The following KAT8 variants were observed in gnomAD, a reference collection of about 807,000 sequenced individuals.
KAT8 encodes the protein lysine acetyltransferase 8.
KAT8 carries 40 observed loss-of-function variants against 62.9 expected under a neutral mutation model. That is an observed-to-expected ratio of 0.64 (90% confidence interval 0.49 to 0.83). The LOEUF (loss-of-function observed/expected upper bound fraction) is 0.83, where lower values mean the gene tolerates loss of function less well. Among genes scored for constraint, KAT8 ranks in the 40% least tolerant of loss-of-function variants. The pLI is 0.00. For missense variants in KAT8, 387 were observed against 614.8 expected (o/e 0.63, Z 3.92); for synonymous variants, 278 against 254.5 (o/e 1.09, Z -0.88).
Position 31,130,532 on chromosome 16 carries a change from C to T in KAT8, c.1083C>T (p.Tyr361=), listed in dbSNP as rs1210769746. 1.9e-6 allele frequency: 3 copies of T among 1,614,038 alleles called. No homozygotes were observed. Among genetic ancestry groups the T allele is most frequent in the Non-Finnish European group, 2.5e-6 (3 of 1,179,980 alleles). The part of the protein sequence containing the change: ...KPLSDLGKLS[Y]RSYWSWVLLE... ...TGTCTGACCTGGGCAAGCTCAGCTACCGCAGCTACTGGTCCTGGGTGCTGC... is the reference window on the plus strand; with the variant it reads ...TGTCTGACCTGGGCAAGCTCAGCTATCGCAGCTACTGGTCCTGGGTGCTGC... Residue 361 remains tyrosine (Y), a synonymous_variant, in exon 9 of 11, where the codon TAC becomes TAT. Transcript: ENST00000219797.
At chr16:31,119,757 G>T (rs2057479352) in intron 1 of KAT8, among the ~76,000 whole-genome samples, 1 of 151,776 alleles carries the variant, frequency 6.6e-6, no homozygotes, top group Non-Finnish European at 1.5e-5. Context: ...TCCTGCCTCA[G>T]CCTTGCCTCC....
intron 6 of KAT8, among the ~76,000 whole-genome samples, chr16:31,129,473 T>TGA (rs1481788416): frequency 1.3e-5 from 2 of 152,060 alleles, no homozygotes; most frequent in Admixed American, 6.6e-5. Context: ...CCGGGTTGGA[T>TGA]GAGAGAGTGG....
chr16:31,124,605 C>T (rs1056841694), intron 3 of KAT8, among the ~76,000 whole-genome samples: 1 of 151,932 alleles, frequency 6.6e-6, no homozygotes, highest in South Asian at 2.1e-4. Context: ...TGATGGTGCA[C>T]ACCTGTAATC....
chr16:31,128,194 G>C, intron 6 of KAT8, 55 bp downstream of exon 6: 1 of 1,355,980 alleles, frequency 7.4e-7, no homozygotes, highest in Non-Finnish European at 1.0e-6. Context: ...GCACCTCCCA[G>C]ATGATCCTCA....
intron 10 of KAT8, 57 bp downstream of exon 10, chr16:31,130,957 G>C: frequency 6.3e-7 from 1 of 1,578,712 alleles, no homozygotes; most frequent in Non-Finnish European, 8.6e-7. Flanking sequence ...TATATGGACT[G>C]GTAGGAGTCA....
chr16:31,125,346 G>A (rs2057525111), intron 3 of KAT8, among the ~76,000 whole-genome samples: 2 of 152,178 alleles, frequency 1.3e-5, no homozygotes, highest in Admixed American at 1.3e-4. Flanking sequence ...GCTCACGCCT[G>A]TAATCTCAGC....
intron 3 of KAT8, among the ~76,000 whole-genome samples, chr16:31,124,528 TGGA>T (rs2057519770): frequency 6.6e-6 from 1 of 151,898 alleles, no homozygotes; most frequent in Admixed American, 6.6e-5. Flanking sequence ...GGTCAGGAGT[TGGA>T]GGCCAGCATG....
At chr16:31,131,153 T>C in intron 10 of KAT8, 42 bp from the exon 11 acceptor site, 1 of 1,610,858 alleles carries the variant, frequency 6.2e-7, no homozygotes, top group South Asian at 1.1e-5. Flanking sequence ...TGAGCTGGCC[T>C]GGCCCAGGCC....
At position 31,119,167 on chromosome 16, in the gene KAT8, T is replaced by G. The variant is rs567868514; in HGVS notation, c.212-1019T>G. On this transcript the variant is annotated intron_variant, in intron 1 of 10. Coordinates refer to ENST00000219797, the MANE Select transcript of KAT8 (RefSeq NM_032188.3). ...TGTGTATTTTTTTTTGTTTGTTTGT[T>G]TGAGATGGAATCGCTCTCTGTTGCC... 2.0e-5 allele frequency among the ~76,000 whole-genome samples: 3 copies of G among 152,324 alleles called. No individual in the cohort carries two copies. The South Asian group carries it at 6.2e-4, about 32-fold the overall frequency.
intron 3 of KAT8, chr16:31,122,519 T>C (rs927455552): frequency 2.6e-5 from 4 of 152,156 alleles, no homozygotes; most frequent in African/African-American, 4.8e-5. Context: ...AGCTGTACTA[T>C]CTAGTACCGT....
Position 31,117,755 on chromosome 16 carries a change from C to A in KAT8, c.74C>A (p.Pro25His). The A allele has an allele frequency of 7.2e-7, 1 of 1,382,648 alleles. No individual in the cohort carries two copies. The highest frequency in any genetic ancestry group is 1.6e-5 in the South Asian group (1 of 63,812). The allele number at this position is 1,382,648 out of a possible 1,614,324, so 85.6% of individuals were successfully genotyped here. A position where few individuals can be genotyped will look rare whatever the true frequency, so the allele number is the denominator to read the frequency against. ...SGVAGEGEPGPGENAAAEGTA... is the reference protein window; with the variant it reads ...SGVAGEGEPGHGENAAAEGTA... ...GTCGCGGGGGAGGGCGAGCCCGGGCCCGGGGAGAATGCGGCCGCTGAGGGG... is the reference window on the plus strand; with the variant it reads ...GTCGCGGGGGAGGGCGAGCCCGGGCACGGGGAGAATGCGGCCGCTGAGGGG... Residue 25 changes from proline (P) to histidine (H), a missense_variant, in exon 1 of 11, where the codon CCC becomes CAC. This residue lies in a region of KAT8 where 92 missense variants were observed against 78.8 expected (regional missense o/e 1.17). Transcript: ENST00000219797.
intron 6 of KAT8, among the ~76,000 whole-genome samples, chr16:31,129,571 T>C (rs529678513): frequency 3.9e-5 from 6 of 152,246 alleles, no homozygotes; most frequent in Admixed American, 3.9e-4. Flanking sequence ...TGCAGCCAAG[T>C]GGACAGACAG....
chr16:31,124,326 A>G (rs1190395869), intron 3 of KAT8, among the ~76,000 whole-genome samples: 1 of 152,234 alleles, frequency 6.6e-6, no homozygotes, highest in Non-Finnish European at 1.5e-5. Flanking sequence ...CTTATTTCAA[A>G]GGCTCATTGT....
intron 3 of KAT8, chr16:31,120,759 C>T (rs979274706): frequency 2.7e-5 from 12 of 449,714 alleles, no homozygotes; most frequent in African/African-American, 7.8e-5. Context: ...CTCAGGCCTC[C>T]GGCACTGGTA....
rs200848088 is a variant in KAT8 at position 31,117,796 on chromosome 16, G to A, written c.115G>A (p.Gly39Ser). ...AAAEGTAPSP[G>S]RVSPPTPARG... ...CGCTGAGGGGACCGCCCCATCCCCGGGCCGCGTCTCTCCGCCGACCCCGGC... is the reference window on the plus strand; with the variant it reads ...CGCTGAGGGGACCGCCCCATCCCCGAGCCGCGTCTCTCCGCCGACCCCGGC... Residue 39 changes from glycine to serine, a missense_variant, in exon 1 of 11, where the codon GGC (glycine) becomes AGC (serine). Physicochemically the swap from Gly to Ser is moderately conservative, Grantham distance 56 (BLOSUM62 0). Around this residue, in one of 6 missense-constraint regions of KAT8, gnomAD observed 92 missense variants for 78.8 expected, o/e 1.17. Transcript: ENST00000219797. 6.2e-5 allele frequency: 88 copies of A among 1,424,914 alleles called. 1 individual carries two copies. In the African/African-American group the frequency reaches 1.1e-3, roughly 18 times the overall value. 88.3% of individuals were successfully genotyped at this position (1,424,914 alleles called of 1,614,324 possible).
chr16:31,119,173 T>A (rs1741815514), intron 1 of KAT8, among the ~76,000 whole-genome samples: 1 of 152,184 alleles, frequency 6.6e-6, no homozygotes, highest in African/African-American at 2.4e-5. Context: ...TTGTTTGAGA[T>A]GGAATCGCTC....
chr16:31,127,911 GA>G (rs1209899794), intron 5 of KAT8, 138 bp from the exon 6 acceptor site: 63 of 663,100 alleles, frequency 9.5e-5, no homozygotes, highest in Admixed American at 5.7e-4. Context: ...AGGCTGCTGG[GA>G]GGATTACTCG....
intron 3 of KAT8, 158 bp downstream of exon 3, chr16:31,120,672 A>T (rs2057486364): frequency 3.0e-6 from 2 of 671,148 alleles, no homozygotes; most frequent in Admixed American, 6.0e-5. Flanking sequence ...CTTACTTTTC[A>T]TAGGTAAGAA....
At chr16:31,120,666 C>G in intron 3 of KAT8, 152 bp downstream of exon 3, 2 of 693,938 alleles carry the variant, frequency 2.9e-6, no homozygotes, top group East Asian at 2.7e-5. Flanking sequence ...CTCTTACTTA[C>G]TTTTCATAGG....
Sources: allele counts gnomAD v4.1 joint callset (sites outside exome capture counted in the v4.1 genomes callset), GRCh38; gene constraint gnomAD v4.1.1; regional missense constraint gnomAD v4.1.1; transcripts MANE v1.5; gene names NCBI Gene and HGNC (gene_info 2026-07-23, HGNC 2026-07-21).